Variants in ATP2B1 observed in about 807,000 individuals in gnomAD.
ATP2B1 encodes the protein plasma membrane calcium-transporting ATPase 1.
ATP2B1 carries 14 observed loss-of-function variants against 124.2 expected under a neutral mutation model. That is an observed-to-expected ratio of 0.11 (90% CI 0.07 to 0.18). The LOEUF is 0.18. Ranked by LOEUF, ATP2B1 falls within the 10% of genes least tolerant of loss-of-function variation. The pLI is 1.00. For missense variants in ATP2B1, 763 were observed against 1,466.1 expected (o/e 0.52, Z 7.83); for synonymous variants, 449 against 492.4 (o/e 0.91, Z 1.17).
At chr12:89,623,023 A>C (rs1373468901) in intron 9 of ATP2B1, among the ~76,000 whole-genome samples, 1 of 152,184 alleles carries the variant, frequency 6.6e-6, no homozygotes, top group African/African-American at 2.4e-5. Flanking sequence ...TTAAAATATC[A>C]AAAAAGGACA....
chr12:89,707,581 T>C (rs1892627820), intron 1 of ATP2B1, among the ~76,000 whole-genome samples: 1 of 152,182 alleles, frequency 6.6e-6, no homozygotes, highest in Non-Finnish European at 1.5e-5. Flanking sequence ...TGCAGCGCTC[T>C]AACCCAAAGA....
chr12:89,680,881 A>T (rs948978583), intron 1 of ATP2B1, among the ~76,000 whole-genome samples: 3 of 152,186 alleles, frequency 2.0e-5, no homozygotes, highest in Non-Finnish European at 4.4e-5. Flanking sequence ...GACTTCAAAA[A>T]CATACAAAGA....
chr12:89,604,040 TTAAC>T lies in ATP2B1; in HGVS notation c.2634+111_2634+114del, dbSNP rs1263344887. The T allele has an allele frequency of 5.4e-5, 76 of 1,397,786 alleles. No individual in the cohort carries two copies. In the African/African-American group the frequency reaches 1.1e-3, roughly 19 times the overall value. 86.6% of individuals were successfully genotyped at this position (1,397,786 alleles called of 1,614,324 possible). A position where few individuals can be genotyped will look rare whatever the true frequency, so the allele number is the denominator to read the frequency against. On this transcript the variant is annotated intron_variant, in intron 16 of 20. Transcript: ENST00000428670. ...AACAGAACAGGATTATATTTTTATA[TTAAC>T]TAACCTAAAATATTAAGCTTCAGCT... is the stretch of plus-strand genomic sequence containing the variant.
chr12:89,695,600 G>T (rs1891051323), intron 1 of ATP2B1, among the ~76,000 whole-genome samples: 2 of 151,672 alleles, frequency 1.3e-5, no homozygotes, highest in Non-Finnish European at 2.9e-5. Flanking sequence ...AGCTGTAGTT[G>T]TATTTAAGTT....
At chr12:89,697,909 T>TTC (rs1565928870) in intron 1 of ATP2B1, among the ~76,000 whole-genome samples, 1 of 152,172 alleles carries the variant, frequency 6.6e-6, no homozygotes. Flanking sequence ...GGAGTCTCGC[T>TTC]CTGTTGTCCA....
At chr12:89,640,054 T>A (rs897705836) in intron 3 of ATP2B1, among the ~76,000 whole-genome samples, 2 of 152,168 alleles carry the variant, frequency 1.3e-5, no homozygotes, top group African/African-American at 2.4e-5. Flanking sequence ...AACACATGTA[T>A]CTATGCACCA....
intron 2 of ATP2B1, among the ~76,000 whole-genome samples, chr12:89,650,802 C>A (rs1454658323): frequency 2.0e-5 from 3 of 151,604 alleles, no homozygotes; most frequent in African/African-American, 7.3e-5. Flanking sequence ...CATAGGACCA[C>A]AATGAGATGA....
chr12:89,596,913 A>T (rs1046679750), intron 20 of ATP2B1, among the ~76,000 whole-genome samples: 1 of 152,066 alleles, frequency 6.6e-6, no homozygotes, highest in Non-Finnish European at 1.5e-5. Flanking sequence ...TTAGTACCAG[A>T]TTATAATCAC....
intron 1 of ATP2B1, among the ~76,000 whole-genome samples, chr12:89,657,227 A>G (rs1399954683): frequency 6.6e-6 from 1 of 152,164 alleles, no homozygotes; most frequent in Non-Finnish European, 1.5e-5. Flanking sequence ...CTACCTTTGA[A>G]AAGTCTCTTC....
chr12:89,695,695 T>C (rs1283243507), intron 1 of ATP2B1, among the ~76,000 whole-genome samples: 1 of 152,160 alleles, frequency 6.6e-6, no homozygotes, highest in East Asian at 1.9e-4. Context: ...TACAAAAACA[T>C]CTACTCACTG....
Position 89,635,115 on chromosome 12 carries a change from A to G in ATP2B1, c.543T>C (p.Phe181=), listed in dbSNP as rs754547470. The change falls in exon 4 of 21, where the codon TTT becomes TTC. Residue 181 remains phenylalanine (F), a synonymous_variant. Transcript: ENST00000428670. ...AFNDWSKEKQ[F]RGLQSRIEQE... The stretch of plus-strand genomic sequence containing the variant: ...GTTCAATTCGGCTCTGCAAACCTCT[A>G]AACTGTTTTTCCTTACTCCAGTCAT... The G allele has an allele frequency of 5.6e-6, 9 of 1,613,894 alleles. No individual in the cohort carries two copies. Among genetic ancestry groups the G allele is most frequent in the Admixed American group, 1.7e-5 (1 of 59,994 alleles).
chr12:89,633,282 T>A (rs1882163442), intron 5 of ATP2B1, among the ~76,000 whole-genome samples: 1 of 151,906 alleles, frequency 6.6e-6, no homozygotes, highest in Admixed American at 6.6e-5. Flanking sequence ...AGGGTGTGAA[T>A]GTTCTTTTTT....
intron 1 of ATP2B1, among the ~76,000 whole-genome samples, chr12:89,703,793 A>G (rs1328989157): frequency 1.3e-5 from 2 of 152,154 alleles, no homozygotes; most frequent in Non-Finnish European, 2.9e-5. Flanking sequence ...CATCGACATC[A>G]ACAAATCAAA....
In ATP2B1 at chr12:89,700,005, T is replaced by C. The variant is rs570699827; in HGVS notation, c.-222+8591A>G. On this transcript the variant is annotated intron_variant, in intron 1 of 20. Transcript: ENST00000428670. ...GACTACAGGTACACGACACCATGCC[T>C]GGCTAAATTTTTTTTTTTTTTTTTT... 1.2e-3 allele frequency among the ~76,000 whole-genome samples: 184 copies of C among 147,962 alleles called. 1 individual carries two copies. The highest frequency in any genetic ancestry group is 4.3e-3 in the African/African-American group (174 of 40,886).
chr12:89,626,449 C>A lies in ATP2B1; in HGVS notation c.1129+5G>T, dbSNP rs1462313794. ...AAACACTTTATTTTCTTCTCTATATCATACCTGCTTTGCCAATCTGAACAG... is the reference window on the plus strand; with the variant it reads ...AAACACTTTATTTTCTTCTCTATATAATACCTGCTTTGCCAATCTGAACAG... On this transcript the variant is annotated splice_donor_5th_base_variant and intron_variant, in intron 8 of 20. Transcript: ENST00000428670. 7.5e-6 allele frequency: 12 copies of A among 1,599,896 alleles called. No homozygotes were observed. The highest frequency in any genetic ancestry group is 1.0e-5 in the Non-Finnish European group (12 of 1,175,506).
chr12:89,643,114 A>G (rs1420370027), intron 2 of ATP2B1, among the ~76,000 whole-genome samples: 1 of 150,968 alleles, frequency 6.6e-6, no homozygotes, highest in African/African-American at 2.4e-5. Context: ...GTATATATAT[A>G]CGTATATACA....
Position 89,630,649 on chromosome 12 carries a change from TA to T in ATP2B1, c.788-5del. Reference sequence around the variant, plus strand: ...GAGCCTTCCATTACATGAGTACCTATAACCAAAAACATAGTTTGTTTTTAAA... The same window carrying T: ...GAGCCTTCCATTACATGAGTACCTATACCAAAAACATAGTTTGTTTTTAAA... On this transcript the variant is annotated splice_region_variant and splice_polypyrimidine_tract_variant and intron_variant, in intron 5 of 20. Coordinates refer to ENST00000428670, the MANE Select transcript of ATP2B1 (RefSeq NM_001366521.1). The T allele has an allele frequency of 6.7e-7, 1 of 1,488,638 alleles. No individual in the cohort carries two copies. Among genetic ancestry groups the T allele is most frequent in the Non-Finnish European group, 8.9e-7 (1 of 1,117,456 alleles). The allele number at this position is 1,488,638 out of a possible 1,614,324, so 92.2% of individuals were successfully genotyped here.
At chr12:89,690,363 T>C (rs1415561208) in intron 1 of ATP2B1, among the ~76,000 whole-genome samples, 1 of 151,290 alleles carries the variant, frequency 6.6e-6, no homozygotes, top group Non-Finnish European at 1.5e-5. Context: ...TTAAGAGTAA[T>C]TCTGTATAAA....
At chr12:89,698,281 G>C (rs1411071071) in intron 1 of ATP2B1, among the ~76,000 whole-genome samples, 1 of 152,178 alleles carries the variant, frequency 6.6e-6, no homozygotes, top group African/African-American at 2.4e-5. Context: ...ACAAATTGTG[G>C]TGTATCTATA....
Sources: allele counts gnomAD v4.1 joint callset (sites outside exome capture counted in the v4.1 genomes callset), GRCh38; gene constraint gnomAD v4.1.1; transcripts MANE v1.5; gene names NCBI Gene and HGNC (gene_info 2026-07-23, HGNC 2026-07-21).